MTTP: variants seen among roughly 807,000 people sequenced by gnomAD.
The protein encoded by MTTP is microsomal triglyceride transfer protein.
MTTP carries 49 observed loss-of-function variants against 90.6 expected under a neutral mutation model. The ratio of observed to expected loss-of-function variants is 0.54; its 90% confidence interval spans 0.43 to 0.69. MTTP has a LOEUF of 0.69. MTTP is among the 30% of genes least tolerant of loss of function. The pLI is 0.00. For synonymous variants in MTTP, 347 were observed against 384.2 expected (o/e 0.90, Z 1.13); for missense variants, 945 against 1,067.5 (o/e 0.89, Z 1.60).
chr4:99,609,453 A>G (rs887228384), intron 12 of MTTP, among the ~76,000 whole-genome samples: 1 of 152,202 alleles, frequency 6.6e-6, no homozygotes, highest in African/African-American at 2.4e-5. Context: ...AAAGAGTGCA[A>G]TCAGTAGAGT....
chr4:99,578,819 C>T (rs1245501427), intron 1 of MTTP, among the ~76,000 whole-genome samples: 1 of 152,164 alleles, frequency 6.6e-6, no homozygotes, highest in Non-Finnish European at 1.5e-5. Context: ...AACTTGGGGT[C>T]AGCTTCTATC....
chr4:99,607,210 T>C (rs1288280950), intron 11 of MTTP, among the ~76,000 whole-genome samples: 1 of 152,254 alleles, frequency 6.6e-6, no homozygotes, highest in Admixed American at 6.5e-5. Flanking sequence ...AAATTCTTTT[T>C]TGAAATATAT....
rs566807394 is a variant in MTTP, at chr4:99,582,518, C to A, written c.249+426C>A. On this transcript the variant is annotated intron_variant, in intron 2 of 17. Transcript: ENST00000265517. ...GTGGAATTACTGAAGAGAGAGTAAA[C>A]CTAGTCTGTGTTCTTCCTGAGGAAG... Among the ~76,000 whole-genome samples, 3 of 152,278 alleles carry A rather than the reference C, an allele frequency of 2.0e-5. No homozygotes were observed. The South Asian group carries it at 6.2e-4, about 32-fold the overall frequency.
At chr4:99,615,998 T>C (rs575033898) in intron 15 of MTTP, among the ~76,000 whole-genome samples, 1 of 152,222 alleles carries the variant, frequency 6.6e-6, no homozygotes, top group East Asian at 1.9e-4. Context: ...CTCTCTCTCT[T>C]TTTTTTTCCT....
intron 3 of MTTP, among the ~76,000 whole-genome samples, chr4:99,585,111 A>G (rs113287401): frequency 0.023 from 3,530 of 152,298 alleles, 109 homozygotes; most frequent in Middle Eastern, 0.1. Context: ...AAGGATAAAC[A>G]AATAAGATTA....
chr4:99,575,477 C>T (rs1275954285), intron 1 of MTTP, among the ~76,000 whole-genome samples: 1 of 151,782 alleles, frequency 6.6e-6, no homozygotes, highest in East Asian at 1.9e-4. Context: ...TATTTAATTC[C>T]GTTACAATTA....
chr4:99,574,330 T>C (rs547841063), upstream of MTTP, among the ~76,000 whole-genome samples: 1 of 152,342 alleles, frequency 6.6e-6, no homozygotes, highest in South Asian at 2.1e-4. Context: ...AAGTGATTGG[T>C]GGTGGTATGA....
chr4:99,603,449 G>A (rs1725743470), intron 10 of MTTP, among the ~76,000 whole-genome samples: 1 of 152,136 alleles, frequency 6.6e-6, no homozygotes, highest in Non-Finnish European at 1.5e-5. Flanking sequence ...CTGACTGGAA[G>A]CATTTGCAAT....
At chr4:99,596,974 C>T in intron 7 of MTTP, 93 bp from the exon 8 acceptor site, 3 of 1,560,940 alleles carry the variant, frequency 1.9e-6, no homozygotes, top group Non-Finnish European at 2.6e-6. Flanking sequence ...GCTTCAGACA[C>T]AAGGGACATT....
intron 1 of MTTP, among the ~76,000 whole-genome samples, chr4:99,567,947 GCTATA>G (rs1724742243): frequency 6.6e-6 from 1 of 151,992 alleles, no homozygotes; most frequent in Non-Finnish European, 1.5e-5. Flanking sequence ...ATTTAAAGTT[GCTATA>G]ATAGAAAAGA....
At chr4:99,600,859 A>G (rs1040999547) in intron 9 of MTTP, 126 bp downstream of exon 9, 32 of 904,926 alleles carry the variant, frequency 3.5e-5, no homozygotes, top group Non-Finnish European at 5.1e-5. Context: ...ATTCATATTC[A>G]AATTGGGGTA....
rs779441831 is a variant in MTTP, at chr4:99,606,697, GTCT to G, written c.1345-45_1345-43del. The G allele has an allele frequency of 9.5e-6, 15 of 1,575,784 alleles. No individual in the cohort carries two copies. The East Asian group carries it at 1.6e-4, about 16-fold the overall frequency. On this transcript the variant is annotated intron_variant, in intron 10 of 17. Coordinates refer to ENST00000265517, the MANE Select transcript of MTTP (RefSeq NM_001386140.1). ...CAAGAATAAAGCCAGTCTCACCCAA[GTCT>G]TCTTCAATGTATGGTCATGCATATA...
At chr4:99,607,025 T>A in intron 11 of MTTP, 65 bp downstream of exon 11, 1 of 1,399,644 alleles carries the variant, frequency 7.1e-7, no homozygotes, top group Non-Finnish European at 9.9e-7. Flanking sequence ...TGAACATGAG[T>A]CAAATGCAAA....
rs1200531998 is a variant in MTTP, at chr4:99,591,690, T to A, written c.658T>A (p.Tyr220Asn). The change falls in exon 6 of 18, where the codon TAT becomes AAT. Residue 220 changes from tyrosine (Y) to asparagine (N), a missense_variant. Tyr to Asn is a moderately radical substitution (Grantham distance 143). Coordinates refer to ENST00000265517, the MANE Select transcript of MTTP (RefSeq NM_001386140.1). The part of the protein sequence containing the change: ...VSSKATSVTT[Y>N]KIEDSFVIAV... ...TTCAAAAGCTACATCTGTCACCACC[T>A]ATAAGATAGAAGACAGCTTTGTTAT... 1 of 1,613,018 alleles carries A rather than the reference T, an allele frequency of 6.2e-7. No homozygotes were observed. The highest frequency in any genetic ancestry group is 8.5e-7 in the Non-Finnish European group (1 of 1,179,166).
upstream of MTTP, among the ~76,000 whole-genome samples, chr4:99,574,097 C>T (rs1724896113): frequency 6.6e-6 from 1 of 152,158 alleles, no homozygotes; most frequent in Non-Finnish European, 1.5e-5. Context: ...TTAATCTCTT[C>T]CTAGAAATGA....
intron 3 of MTTP, among the ~76,000 whole-genome samples, chr4:99,589,024 T>C (rs1390505657): frequency 9.0e-6 from 1 of 111,554 alleles, no homozygotes; most frequent in African/African-American, 3.3e-5. Flanking sequence ...TATATGTTCA[T>C]ATATATACAC....
intron 11 of MTTP, among the ~76,000 whole-genome samples, chr4:99,607,298 AC>A (rs1294740699): frequency 6.6e-6 from 1 of 152,214 alleles, no homozygotes. Context: ...TTTGTTTGTT[AC>A]TACAACTACA....
upstream of MTTP, among the ~76,000 whole-genome samples, chr4:99,569,948 ATT>A (rs1284133233): frequency 6.6e-6 from 1 of 151,892 alleles, no homozygotes; most frequent in Non-Finnish European, 1.5e-5. Flanking sequence ...TTATTGAACT[ATT>A]TTTGTCATTA....
chr4:99,582,278 T>A (rs954247725), intron 2 of MTTP, among the ~76,000 whole-genome samples, 186 bp downstream of exon 2: 6 of 152,248 alleles, frequency 3.9e-5, no homozygotes, highest in African/African-American at 1.4e-4. Context: ...TCTTTCCAAG[T>A]TATTGCAACA....
Sources: gnomAD v4.1 joint callset for allele counts (sites outside exome capture counted in the v4.1 genomes callset) on GRCh38, gnomAD v4.1.1 for gene constraint, MANE v1.5 for transcripts, NCBI Gene and HGNC (gene_info 2026-07-23, HGNC 2026-07-21) for gene names.